Variants in RAB15 observed in about 807,000 individuals in gnomAD.
RAB15 encodes ras-related protein Rab-15.
In RAB15, 13 loss-of-function variants were observed where a neutral mutation model predicts 31.8. The ratio of observed to expected loss-of-function variants is 0.41; its 90% CI spans 0.27 to 0.65. RAB15 has a LOEUF of 0.65. Ranked by LOEUF, RAB15 falls within the 30% of genes least tolerant of loss-of-function variation. The pLI is 0.32. For synonymous variants in RAB15, 100 were observed against 105.6 expected, an observed-to-expected ratio of 0.95 and a Z score of 0.33; for missense variants, 220 against 277.3, an observed-to-expected ratio of 0.79 and a Z score of 1.47.
At chr14:64,957,667 AG>A (rs1886649869) in intron 1 of RAB15, among the ~76,000 whole-genome samples, 1 of 152,146 alleles carries the variant, frequency 6.6e-6, no homozygotes, top group Non-Finnish European at 1.5e-5. Flanking sequence ...TATTATTGTG[AG>A]CCACAGGGAA....
chr14:64,965,149 CT>C (rs1261108119), intron 1 of RAB15, among the ~76,000 whole-genome samples: 1 of 152,088 alleles, frequency 6.6e-6, no homozygotes, highest in South Asian at 2.1e-4. Flanking sequence ...CTTTTCTTTT[CT>C]TTTTGTTTTT....
chr14:64,969,004 A>C (rs1007530014), intron 1 of RAB15, among the ~76,000 whole-genome samples: 1 of 152,256 alleles, frequency 6.6e-6, no homozygotes, highest in Non-Finnish European at 1.5e-5. Context: ...AGTAAATCAC[A>C]AAAGTACTGG....
In RAB15 at chr14:64,952,553, T is replaced by C. The variant is rs752076835; in HGVS notation, c.143A>G (p.Lys48Arg). The C allele has an allele frequency of 1.0e-4, 165 of 1,612,006 alleles. No individual in the cohort carries two copies. Among genetic ancestry groups the C allele is most frequent in the Non-Finnish European group, 1.7e-6 (2 of 1,178,452 alleles). Residue 48 changes from lysine to arginine, a missense_variant, in exon 2 of 7, where the codon AAG becomes AGG. Transcript: ENST00000533601. The surrounding 1 kb of genome is among the most constrained non-coding windows in gnomAD (Gnocchi z 4.2). Reference sequence around the variant, plus strand: ...TTTGATGCCGTCTACCTCTATGGTCTTCATCTTAAAGTCAACACCTGAAGA... The same window carrying C: ...TTTGATGCCGTCTACCTCTATGGTCCTCATCTTAAAGTCAACACCTGAAGA... ...ISTIGVDFKMKTIEVDGIKVR... is the reference protein window; with the variant it reads ...ISTIGVDFKMRTIEVDGIKVR...
intron 1 of RAB15, among the ~76,000 whole-genome samples, chr14:64,956,425 A>AGAAAAGAAAG (rs1886571537): frequency 1.3e-5 from 2 of 150,612 alleles, no homozygotes; most frequent in Admixed American, 1.3e-4. Context: ...AAAAAAAAAA[A>AGAAAAGAAAG]GAAAAGAAAG....
In RAB15 at chr14:64,950,899, G is replaced by T; in HGVS notation, c.324+175C>A. 7.3e-7 allele frequency: 1 copy of T among 1,368,362 alleles called. No homozygotes were observed. The highest frequency in any genetic ancestry group is 1.0e-6 in the Non-Finnish European group (1 of 968,126). 84.8% of individuals were successfully genotyped at this position (1,368,362 alleles called of 1,614,324 possible). A position where few individuals can be genotyped will look rare whatever the true frequency, so the allele number is the denominator to read the frequency against. ...GTGGAGGCCTGGCAGGGTATAGAGA[G>T]TGAGGGCATGGCAGCTTCGGTTTCT... On this transcript the variant is annotated intron_variant, in intron 4 of 6. Transcript: ENST00000533601. The surrounding 1 kb of genome is among the most constrained non-coding windows in gnomAD (Gnocchi z 5.6).
Position 64,970,211 on chromosome 14 carries a change from C to A in RAB15, c.124+1742G>T, listed in dbSNP as rs935345027. Among the ~76,000 whole-genome samples, 3 of 152,182 alleles carry A rather than the reference C, an allele frequency of 2.0e-5. No homozygotes were observed. Among genetic ancestry groups the A allele is most frequent in the Non-Finnish European group, 4.4e-5 (3 of 68,032 alleles). On this transcript the variant is annotated intron_variant, in intron 1 of 6. Coordinates refer to ENST00000533601, the MANE Select transcript of RAB15 (RefSeq NM_001308154.2). This position sits in a 1 kb window ranked among gnomAD's most constrained non-coding sequence, Gnocchi z 4.1. ...GTAGTTCCAAGCACCAGGCCTCTCC[C>A]AAAAATAGCCACTCCTAGTTTCCTT...
rs758819238 is a variant in RAB15, at chr14:64,948,727, T to C, written c.421A>G (p.Lys141Glu). 1.9e-6 allele frequency: 3 copies of C among 1,613,894 alleles called. No individual in the cohort carries two copies. Among genetic ancestry groups the C allele is most frequent in the Non-Finnish European group, 1.7e-6 (2 of 1,179,938 alleles). ...VGREQGQQLA[K>E]EYGMDFYETS... is the part of the protein sequence containing the mutation. ...TCATAGAAGTCCATGCCATACTCCT[T>C]CGCCAGCTGCAAGAGAAGGACATTT... is the stretch of plus-strand genomic sequence containing the variant. Residue 141 changes from lysine to glutamate, a missense_variant, in exon 6 of 7, where the codon AAG becomes GAG. Transcript: ENST00000533601. This position sits in a 1 kb window ranked among gnomAD's most constrained non-coding sequence, Gnocchi z 7.0.
rs1021582063 is a variant in RAB15 at position 64,945,908 on chromosome 14, G to A, written c.*2446C>T. ...TATATGGACCCGAGACACAGTACAC[G>A]AAGTTCACCCGTCACAGGGAGATAG... On this transcript the variant is annotated 3_prime_UTR_variant, in exon 7 of 7. Transcript: ENST00000533601. 3 of 152,668 alleles carry A rather than the reference G, an allele frequency of 2.0e-5. No individual in the cohort carries two copies. Among genetic ancestry groups the A allele is most frequent in the Non-Finnish European group, 4.4e-5 (3 of 68,074 alleles). The allele number at this position is 152,668 out of a possible 1,614,324, so 9.5% of individuals were successfully genotyped here. A position where few individuals can be genotyped will look rare whatever the true frequency, so the allele number is the denominator to read the frequency against.
chr14:64,951,385 A>T lies in RAB15; in HGVS notation c.246+218T>A, dbSNP rs1218534220. Among the ~76,000 whole-genome samples, 1 of 152,144 alleles carries T rather than the reference A, an allele frequency of 6.6e-6. No individual in the cohort carries two copies. Among genetic ancestry groups the T allele is most frequent in the Non-Finnish European group, 1.5e-5 (1 of 68,014 alleles). ...GACCTGGATCTTTGACCCAGGATGG[A>T]GGGTGGAAGTCAGGGGTGAGGGCAG... On this transcript the variant is annotated intron_variant, in intron 3 of 6. Coordinates refer to ENST00000533601, the MANE Select transcript of RAB15 (RefSeq NM_001308154.2). This position sits in a 1 kb window ranked among gnomAD's most constrained non-coding sequence, Gnocchi z 7.2.
chr14:64,951,578 T>G lies in RAB15; in HGVS notation c.246+25A>C. 6.2e-7 allele frequency: 1 copy of G among 1,611,362 alleles called. No homozygotes were observed. Reference sequence around the variant, plus strand: ...GAGTGTGGGTGGCAGCTTCCCACTTTGAAACCCCCAATGTGGTGGCTTACC... The same window carrying G: ...GAGTGTGGGTGGCAGCTTCCCACTTGGAAACCCCCAATGTGGTGGCTTACC... On this transcript the variant is annotated intron_variant, in intron 3 of 6. Transcript: ENST00000533601. The surrounding 1 kb of genome is among the most constrained non-coding windows in gnomAD (Gnocchi z 7.2).
At position 64,950,650 on chromosome 14, in the gene RAB15, C is replaced by T. The variant is rs933074348; in HGVS notation, c.325-236G>A. 6.7e-6 allele frequency: 4 copies of T among 600,942 alleles called. No individual in the cohort carries two copies. The African/African-American group carries it at 7.4e-5, about 11-fold the overall frequency. The allele number at this position is 600,942 out of a possible 1,614,324, so 37.2% of individuals were successfully genotyped here. A position where few individuals can be genotyped will look rare whatever the true frequency, so the allele number is the denominator to read the frequency against. ...AAGACTGGTGCTTCCTTGGGTTAGACCACTGGTATCAGAGCTGGAAAGGAC... is the reference window on the plus strand; with the variant it reads ...AAGACTGGTGCTTCCTTGGGTTAGATCACTGGTATCAGAGCTGGAAAGGAC... On this transcript the variant is annotated intron_variant, in intron 4 of 6. Coordinates refer to ENST00000533601, the MANE Select transcript of RAB15 (RefSeq NM_001308154.2). This position sits in a 1 kb window ranked among gnomAD's most constrained non-coding sequence, Gnocchi z 5.6.
chr14:64,960,956 T>C (rs952908016), intron 1 of RAB15, among the ~76,000 whole-genome samples: 2 of 152,178 alleles, frequency 1.3e-5, no homozygotes, highest in African/African-American at 4.8e-5. Flanking sequence ...CAGCACCTCA[T>C]GGGTTAAGGG....
In RAB15 at chr14:64,950,513, G is replaced by C; in HGVS notation, c.325-99C>G. ...TGCCTCCAGCCCACCACCAATTCCA[G>C]AGCCCTAGGGACAGGGTGGGCCGAC... On this transcript the variant is annotated intron_variant, in intron 4 of 6. Coordinates refer to ENST00000533601, the MANE Select transcript of RAB15 (RefSeq NM_001308154.2). The surrounding 1 kb of genome is among the most constrained non-coding windows in gnomAD (Gnocchi z 5.6). 1 of 1,009,112 alleles carries C rather than the reference G, an allele frequency of 9.9e-7. No individual in the cohort carries two copies. The highest frequency in any genetic ancestry group is 1.6e-6 in the Non-Finnish European group (1 of 639,930). 62.5% of individuals were successfully genotyped at this position (1,009,112 alleles called of 1,614,324 possible).
chr14:64,950,455 C>G lies in RAB15; in HGVS notation c.325-41G>C. The stretch of plus-strand genomic sequence containing the variant: ...GGGCAGAACAGCCAGTGAGTGCTGC[C>G]TGCCCCCCCAATTTTCCCTACAGAG... On this transcript the variant is annotated intron_variant, in intron 4 of 6. Coordinates refer to ENST00000533601, the MANE Select transcript of RAB15 (RefSeq NM_001308154.2). This position sits in a 1 kb window ranked among gnomAD's most constrained non-coding sequence, Gnocchi z 5.6. 1 of 1,520,980 alleles carries G rather than the reference C, an allele frequency of 6.6e-7. No individual in the cohort carries two copies. The highest frequency in any genetic ancestry group is 9.1e-7 in the Non-Finnish European group (1 of 1,096,972). The allele number at this position is 1,520,980 out of a possible 1,614,324, so 94.2% of individuals were successfully genotyped here.
At position 64,962,587 on chromosome 14, in the gene RAB15, A is replaced by AT. The variant is rs1258506161; in HGVS notation, c.124+9365dup. Among the ~76,000 whole-genome samples the AT allele has an allele frequency of 6.6e-6, 1 of 152,190 alleles. No individual in the cohort carries two copies. The highest frequency in any genetic ancestry group is 1.9e-4 in the East Asian group (1 of 5,196). Reference sequence around the variant, plus strand: ...CTTAGACTGGCTGGCCAGAGAAGACATTTTAAAGGAGGTAACATTTGAGCT... The same window carrying AT: ...CTTAGACTGGCTGGCCAGAGAAGACATTTTTAAAGGAGGTAACATTTGAGCT... On this transcript the variant is annotated intron_variant, in intron 1 of 6. Transcript: ENST00000533601. This position sits in a 1 kb window ranked among gnomAD's most constrained non-coding sequence, Gnocchi z 4.2.
Position 64,948,425 on chromosome 14 carries a change from G to T in RAB15, c.568C>A (p.Leu190Met). 1 of 1,613,742 alleles carries T rather than the reference G, an allele frequency of 6.2e-7. No homozygotes were observed. Among genetic ancestry groups the T allele is most frequent in the Non-Finnish European group, 8.5e-7 (1 of 1,179,896 alleles). ...CCCTCCTCCTCCTCCAGCTCTGCCA[G>T]TGCCAACTCATTGCTGGCACGCATC... ...LRMRASNELA[L>M]AELEEEEGKP... is the part of the protein sequence containing the mutation. Residue 190 changes from leucine (L) to methionine (M), a missense_variant, in exon 7 of 7, where the codon CTG becomes ATG. Leu to Met is a conservative substitution (Grantham distance 15). Transcript: ENST00000533601. The surrounding 1 kb of genome is among the most constrained non-coding windows in gnomAD (Gnocchi z 7.0).
Position 64,951,216 on chromosome 14 carries a change from G to A in RAB15, c.247-65C>T. 7.2e-7 allele frequency: 1 copy of A among 1,379,928 alleles called. No individual in the cohort carries two copies. Among genetic ancestry groups the A allele is most frequent in the South Asian group, 1.2e-5 (1 of 82,476 alleles). The allele number at this position is 1,379,928 out of a possible 1,614,324, so 85.5% of individuals were successfully genotyped here. ...GAGAGTGCAGTCATGGGGCCAGAAG[G>A]GGCCGTGGAAACTTAAAGGTTGGGT... On this transcript the variant is annotated intron_variant, in intron 3 of 6. Coordinates refer to ENST00000533601, the MANE Select transcript of RAB15 (RefSeq NM_001308154.2). This position sits in a 1 kb window ranked among gnomAD's most constrained non-coding sequence, Gnocchi z 7.2.
rs1217343545 is a variant in RAB15 at position 64,952,559 on chromosome 14, T to G, written c.137A>C (p.Lys46Thr). The change falls in exon 2 of 7, where the codon AAG (lysine) becomes ACG (threonine). Residue 46 changes from lysine to threonine, a missense_variant. Physicochemically the swap from Lys to Thr is moderately conservative, Grantham distance 78. Coordinates refer to ENST00000533601, the MANE Select transcript of RAB15 (RefSeq NM_001308154.2). This position sits in a 1 kb window ranked among gnomAD's most constrained non-coding sequence, Gnocchi z 4.2. ...GCCGTCTACCTCTATGGTCTTCATC[T>G]TAAAGTCAACACCTGAAGAAAGGAA... ...SHISTIGVDF[K>T]MKTIEVDGIK... 6.2e-7 allele frequency: 1 copy of G among 1,611,804 alleles called. No homozygotes were observed. The highest frequency in any genetic ancestry group is 2.2e-5 in the East Asian group (1 of 44,840).
At chr14:64,966,699 C>G (rs1338386037) in intron 1 of RAB15, among the ~76,000 whole-genome samples, 1 of 152,116 alleles carries the variant, frequency 6.6e-6, no homozygotes, top group Non-Finnish European at 1.5e-5. Flanking sequence ...AAACGAAGCA[C>G]AAAGATGTCA....
Sources: allele counts gnomAD v4.1 joint callset (sites outside exome capture counted in the v4.1 genomes callset), GRCh38; gene constraint gnomAD v4.1.1; non-coding constraint Gnocchi (gnomAD v3.1); transcripts MANE v1.5; gene names NCBI Gene and HGNC (gene_info 2026-07-23, HGNC 2026-07-21).